Variants in TCF3 observed in about 807,000 individuals in gnomAD.
TCF3 encodes the protein transcription factor 3.
Under a neutral mutation model 72.3 loss-of-function variants are expected in TCF3, and 54 were observed. The observed-to-expected ratio is 0.75, with a 90% confidence interval of 0.60 to 0.94. The LOEUF (loss-of-function observed/expected upper bound fraction) is 0.94, where lower values mean the gene tolerates loss of function less well. TCF3 is among the 40% of genes least tolerant of loss of function. The probability of loss-of-function intolerance (pLI) is 0.00; values close to 1 mark genes in which losing one functional copy is unlikely to be tolerated. For missense variants in TCF3, 1,078 were observed against 934.4 expected (o/e 1.15, Z -2.00); for synonymous variants, 525 against 412.6 (o/e 1.27, Z -3.30).
Position 1,648,672 on chromosome 19 carries a change from C to T in TCF3, c.72+1505G>A, listed in dbSNP as rs141477298. ...CTCCGGCCCTTGGGCTGTTTTTTTCCGCAGGGTGGCCGGTGTTGTTTCAGT... is the reference window on the plus strand; with the variant it reads ...CTCCGGCCCTTGGGCTGTTTTTTTCTGCAGGGTGGCCGGTGTTGTTTCAGT... On this transcript the variant is annotated intron_variant, in intron 2 of 18. Transcript: ENST00000262965. 6.6e-5 allele frequency among the ~76,000 whole-genome samples: 10 copies of T among 152,310 alleles called. No individual in the cohort carries two copies. In the East Asian group the frequency reaches 1.2e-3, roughly 18 times the overall value.
At position 1,611,812 on chromosome 19, in the gene TCF3, C is replaced by T. The variant is rs1165996070; in HGVS notation, c.1860G>A (p.Arg620=). ...NLNPKAACLK[R]REEEKVSGVV... ...CACCTGACACCTTTTCCTCTTCTCG[C>T]CGTTTCAAACAGGCTGCTTTGGGAT... Residue 620 remains arginine (R), a synonymous_variant, in exon 19 of 19, where the codon CGG becomes CGA. Transcript: ENST00000262965. 6.2e-7 allele frequency: 1 copy of T among 1,613,412 alleles called. No homozygotes were observed. Among genetic ancestry groups the T allele is most frequent in the Non-Finnish European group, 8.5e-7 (1 of 1,179,932 alleles).
At chr19:1,648,677 G>A (rs1031652070) in intron 2 of TCF3, among the ~76,000 whole-genome samples, 2 of 152,222 alleles carry the variant, frequency 1.3e-5, no homozygotes, top group African/African-American at 4.8e-5. Context: ...TTTTCCGCAG[G>A]GTGGCCGGTG....
chr19:1,637,553 T>C (rs2064611266), intron 3 of TCF3, among the ~76,000 whole-genome samples: 2 of 152,210 alleles, frequency 1.3e-5, no homozygotes, highest in African/African-American at 2.4e-5. Context: ...TCCATGTCTA[T>C]GGGCATCACC....
At chr19:1,636,164 T>A (rs957316871) in intron 3 of TCF3, among the ~76,000 whole-genome samples, 2 of 148,752 alleles carry the variant, frequency 1.3e-5, no homozygotes, top group East Asian at 3.9e-4. Flanking sequence ...TTTAAAAAAT[T>A]TTTTTTTTCT....
At chr19:1,650,953 G>C (rs750895502) in intron 1 of TCF3, 2 of 225,184 alleles carry the variant, frequency 8.9e-6, no homozygotes, top group Admixed American at 1.1e-4. Flanking sequence ...AACCCCAACA[G>C]TATTCAGGAA....
intron 8 of TCF3, among the ~76,000 whole-genome samples, 188 bp downstream of exon 8, chr19:1,623,763 G>A (rs2062546414): frequency 6.6e-6 from 1 of 152,134 alleles, no homozygotes; most frequent in Non-Finnish European, 1.5e-5. Context: ...GCTGGACCTA[G>A]GGAAGGACTT....
chr19:1,650,324 A>C, intron 1 of TCF3, 37 bp from the exon 2 acceptor site: 1 of 1,432,552 alleles, frequency 7.0e-7, no homozygotes, highest in Non-Finnish European at 9.5e-7. Context: ...GACAGGGAGA[A>C]ACAGGGAGGG....
At position 1,615,471 on chromosome 19, in the gene TCF3, G is replaced by A. The variant is rs747799051; in HGVS notation, c.1636C>T (p.Arg546Trp). ...TTGGCCACCCGGCGCTCCTTCTCCC[G>A]CTCGGCCTTCTGCTCTGGGGGGAGA... The part of the protein sequence containing the change: ...DLLPPEQKAE[R>W]EKERRVANNA... Residue 546 changes from arginine to tryptophan, a missense_variant, in exon 18 of 19, where the codon CGG (arginine) becomes TGG (tryptophan). Coordinates refer to ENST00000262965, the MANE Select transcript of TCF3 (RefSeq NM_003200.5). The surrounding 1 kb of genome is among the most constrained non-coding windows in gnomAD (Gnocchi z 7.3). 27 of 1,611,666 alleles carry A rather than the reference G, an allele frequency of 1.7e-5. No homozygotes were observed. The highest frequency in any genetic ancestry group is 1.6e-4 in the Middle Eastern group (1 of 6,082).
In TCF3 at chr19:1,615,822, C is replaced by A; in HGVS notation, c.1451-1G>T. On this transcript the variant is annotated splice_acceptor_variant, in intron 16 of 18. Transcript: ENST00000262965. LOFTEE classifies it high-confidence loss of function. The surrounding 1 kb of genome is among the most constrained non-coding windows in gnomAD (Gnocchi z 7.3). ...GCCGTGGCACCTGCTCGCCCTAGCC[C>A]TGCAACAGGCCTAGGGTCAGGGGCC... is the stretch of plus-strand genomic sequence containing the variant. 1.3e-6 allele frequency: 2 copies of A among 1,553,798 alleles called. No homozygotes were observed. The highest frequency in any genetic ancestry group is 1.7e-6 in the Non-Finnish European group (2 of 1,146,676).
Position 1,611,509 on chromosome 19 carries a change from G to C in TCF3, c.*198C>G, listed in dbSNP as rs952718558. The C allele has an allele frequency of 3.2e-6, 2 of 630,570 alleles. No homozygotes were observed. Among genetic ancestry groups the C allele is most frequent in the East Asian group, 6.1e-5 (2 of 32,846 alleles). The allele number at this position is 630,570 out of a possible 1,614,324, so 39.1% of individuals were successfully genotyped here. ...AGCGAGGCCAGTGAGTGGTAGGCCA[G>C]GGCCCCAGGGAGCTCCTGGACCCAG... On this transcript the variant is annotated 3_prime_UTR_variant, in exon 19 of 19. Coordinates refer to ENST00000262965, the MANE Select transcript of TCF3 (RefSeq NM_003200.5).
chr19:1,636,825 G>C (rs777848565), intron 3 of TCF3, among the ~76,000 whole-genome samples: 4 of 152,148 alleles, frequency 2.6e-5, no homozygotes, highest in Non-Finnish European at 5.9e-5. Flanking sequence ...ATCCCGCAAA[G>C]CCTCCCACTT....
chr19:1,627,076 G>A (rs980018933), intron 6 of TCF3, among the ~76,000 whole-genome samples: 128 of 152,278 alleles, frequency 8.4e-4, no homozygotes, highest in African/African-American at 2.9e-3. Context: ...AAGCCCTGCT[G>A]CATGGCCTGT....
chr19:1,618,411 C>A (rs550405351), intron 16 of TCF3, among the ~76,000 whole-genome samples: 2 of 152,250 alleles, frequency 1.3e-5, no homozygotes, highest in East Asian at 3.9e-4. Flanking sequence ...CAGGTCCCAT[C>A]CCTCCTCAGC....
intron 16 of TCF3, chr19:1,616,380 A>C (rs1245693220): frequency 6.6e-6 from 1 of 152,018 alleles, no homozygotes; most frequent in Non-Finnish European, 1.5e-5. Context: ...AGGCTGAGGC[A>C]GGAGAATCAC....
intron 18 of TCF3, among the ~76,000 whole-genome samples, chr19:1,613,360 G>A (rs149167947): frequency 2.6e-5 from 4 of 152,270 alleles, no homozygotes; most frequent in African/African-American, 7.2e-5. Context: ...GTTCCCAGAC[G>A]TTTCTGTGGA....
Position 1,611,704 on chromosome 19 carries a change from CT to C in TCF3, c.*2del. ...GGTGGCTCGTCCCACGGAGGCATAC[CT>C]TTCACATGTGCCCGGCGGGGTTGTG... On this transcript the variant is annotated 3_prime_UTR_variant, in exon 19 of 19. Transcript: ENST00000262965. The C allele has an allele frequency of 1.2e-6, 2 of 1,612,138 alleles. No individual in the cohort carries two copies. Among genetic ancestry groups the C allele is most frequent in the Non-Finnish European group, 1.7e-6 (2 of 1,179,036 alleles).
At chr19:1,626,138 G>T (rs528599231) in intron 6 of TCF3, among the ~76,000 whole-genome samples, 1 of 152,082 alleles carries the variant, frequency 6.6e-6, no homozygotes, top group South Asian at 2.1e-4. Flanking sequence ...GCCGGGTCCC[G>T]GAACTGACTC....
In TCF3 at chr19:1,615,701, G is replaced by A. The variant is rs757750122; in HGVS notation, c.1571C>T (p.Pro524Leu). The A allele has an allele frequency of 5.3e-5, 86 of 1,613,290 alleles. No homozygotes were observed. The highest frequency in any genetic ancestry group is 6.8e-5 in the Non-Finnish European group (80 of 1,179,646). ...GGGTTGGCACCTGGTCCGGGCCCGG[G>A]GGGCCTTCAGCTCCTTCTTCTCCTC... ...SEEEKKELKAPRARTSPDEDE... is the reference protein window; with the variant it reads ...SEEEKKELKALRARTSPDEDE... The change falls in exon 17 of 19, where the codon CCC becomes CTC. Residue 524 changes from proline (P) to leucine (L), a missense_variant. Coordinates refer to ENST00000262965, the MANE Select transcript of TCF3 (RefSeq NM_003200.5). This position sits in a 1 kb window ranked among gnomAD's most constrained non-coding sequence, Gnocchi z 7.3.
intron 3 of TCF3, among the ~76,000 whole-genome samples, chr19:1,636,094 C>T (rs769928271): frequency 3.3e-5 from 5 of 152,222 alleles, no homozygotes; most frequent in Non-Finnish European, 7.3e-5. Context: ...GGGGTCATGA[C>T]GGGTGAGATC....
Sources: allele counts gnomAD v4.1 joint callset (sites outside exome capture counted in the v4.1 genomes callset), GRCh38; gene constraint gnomAD v4.1.1; non-coding constraint Gnocchi (gnomAD v3.1); transcripts MANE v1.5; gene names NCBI Gene and HGNC (gene_info 2026-07-23, HGNC 2026-07-21).